RYR1: variants seen among roughly 807,000 people sequenced by gnomAD.
RYR1 encodes the protein ryanodine receptor 1.
Under a neutral mutation model 583.5 loss-of-function variants are expected in RYR1, and 342 were observed. That is an observed-to-expected ratio of 0.59 (90% confidence interval 0.54 to 0.64). The LOEUF is 0.64. Among genes scored for constraint, RYR1 ranks in the 30% least tolerant of loss-of-function variants. RYR1 has a pLI of 0.00. For missense variants in RYR1, 6,032 were observed against 6,917.2 expected, an observed-to-expected ratio of 0.87 and a Z score of 4.54; for synonymous variants, 2,791 against 2,822.5, an observed-to-expected ratio of 0.99 and a Z score of 0.35.
In RYR1 at chr19:38,587,525, C is replaced by T; in HGVS notation, c.*105C>T. ...CCTAAGGCAGCTGGGGGAGAGGTGA[C>T]CTAGTACTGGAAAATAAATCTGTGC... is the stretch of plus-strand genomic sequence containing the variant. On this transcript the variant is annotated 3_prime_UTR_variant, in exon 106 of 106. Coordinates refer to ENST00000359596, the MANE Select transcript of RYR1 (RefSeq NM_000540.3). 1.2e-6 allele frequency: 1 copy of T among 851,604 alleles called. No homozygotes were observed. The highest frequency in any genetic ancestry group is 2.0e-6 in the Non-Finnish European group (1 of 501,646). 52.8% of individuals were successfully genotyped at this position (851,604 alleles called of 1,614,324 possible). A position where few individuals can be genotyped will look rare whatever the true frequency, so the allele number is the denominator to read the frequency against.
chr19:38,572,628 C>T (rs1973772824), intron 95 of RYR1, among the ~76,000 whole-genome samples: 1 of 152,058 alleles, frequency 6.6e-6, no homozygotes, highest in African/African-American at 2.4e-5. Flanking sequence ...CTCCTTGCAC[C>T]TGCCTGTTTT....
chr19:38,508,369 A>T (rs1970575787), intron 58 of RYR1, among the ~76,000 whole-genome samples: 1 of 151,790 alleles, frequency 6.6e-6, no homozygotes, highest in Non-Finnish European at 1.5e-5. Flanking sequence ...GCGCCGCCAC[A>T]CCCAGCTAAT....
intron 83 of RYR1, among the ~76,000 whole-genome samples, chr19:38,537,569 G>T (rs1972028542): frequency 6.6e-6 from 1 of 152,192 alleles, no homozygotes; most frequent in East Asian, 1.9e-4. Flanking sequence ...TGCTAGGTCA[G>T]CAGACTCTCC....
In RYR1 at chr19:38,490,245, C is replaced by G; in HGVS notation, c.5984C>G (p.Thr1995Ser). 1 of 1,614,122 alleles carries G rather than the reference C, an allele frequency of 6.2e-7. No homozygotes were observed. The change falls in exon 36 of 106, where the codon ACC (threonine) becomes AGC (serine). Residue 1995 changes from threonine (T) to serine (S), a missense_variant. Transcript: ENST00000359596. The part of the protein sequence containing the change: ...SMTAAETARR[T>S]REFRSPPQEQ... Reference sequence around the variant, plus strand: ...ACCGCAGCAGAGACTGCAAGACGTACCCGCGAGTTCCGCTCCCCACCCCAG... The same window carrying G: ...ACCGCAGCAGAGACTGCAAGACGTAGCCGCGAGTTCCGCTCCCCACCCCAG...
At chr19:38,502,810 G>GGGGCAGGGGCAGGAGC in intron 48 of RYR1, 70 bp from the exon 49 acceptor site, 1 of 667,290 alleles carries the variant, frequency 1.5e-6, no homozygotes, top group Non-Finnish European at 2.0e-6. Flanking sequence ...GGGGCAGGGG[G>GGGGCAGGGGCAGGAGC]AGGAGCAGGG....
intron 29 of RYR1, among the ~76,000 whole-genome samples, chr19:38,477,207 A>G (rs1274936267): frequency 1.3e-5 from 2 of 152,118 alleles, no homozygotes; most frequent in African/African-American, 4.8e-5. Context: ...CAGTGGCACG[A>G]TCTCGGCTCA....
chr19:38,520,233 C>T (rs1283184120), intron 67 of RYR1, among the ~76,000 whole-genome samples: 1 of 151,460 alleles, frequency 6.6e-6, no homozygotes, highest in Non-Finnish European at 1.5e-5. Context: ...CCAACATGCT[C>T]GGCTAATTCT....
rs200563280 is a variant in RYR1 at position 38,496,466 on chromosome 19, C to G, written c.6721C>G (p.Arg2241Gly). ...SCCRFLCYFC[R>G]ISRQNQRSMF... ...CTGCCGCTTCCTCTGCTATTTCTGC[C>G]GAATCAGCCGGCAGAACCAGCGCTC... Residue 2241 changes from arginine to glycine, a missense_variant, in exon 41 of 106, where the codon CGA becomes GGA. Coordinates refer to ENST00000359596, the MANE Select transcript of RYR1 (RefSeq NM_000540.3). The surrounding 1 kb of genome is among the most constrained non-coding windows in gnomAD (Gnocchi z 4.8). 1.9e-6 allele frequency: 3 copies of G among 1,613,602 alleles called. No individual in the cohort carries two copies. The highest frequency in any genetic ancestry group is 2.5e-6 in the Non-Finnish European group (3 of 1,180,020).
Position 38,516,115 on chromosome 19 carries a change from G to A in RYR1, c.9583G>A (p.Ala3195Thr). 6.5e-7 allele frequency: 1 copy of A among 1,549,754 alleles called. No homozygotes were observed. The highest frequency in any genetic ancestry group is 2.4e-5 in the East Asian group (1 of 40,946). ...TCGGCCAGCCCTCGGGGAGTGCCTG[G>A]CCCGTCTGGCAGCAGCCATGCCGGT... ...KLRPALGECL[A>T]RLAAAMPVAF... is the part of the protein sequence containing the mutation. Residue 3195 changes from alanine to threonine, a missense_variant, in exon 65 of 106, where the codon GCC becomes ACC. Physicochemically the swap from Ala to Thr is moderately conservative, Grantham distance 58. This residue lies in a region of RYR1 where 1,493 missense variants were observed against 1,715.5 expected (regional missense o/e 0.87). Transcript: ENST00000359596.
chr19:38,567,110 C>G, intron 92 of RYR1, 123 bp downstream of exon 92: 1 of 1,478,116 alleles, frequency 6.8e-7, no homozygotes, highest in Non-Finnish European at 9.1e-7. Context: ...TCACCCAGCC[C>G]AGACTCAGGC....
chr19:38,517,381 G>A lies in RYR1; in HGVS notation c.9708G>A (p.Val3236=), dbSNP rs1971018494. ...CAGTCCTGGGGCTCCCCAACAGTGTGGAGGAGATGTGTCCCGACATCCCGG... is the reference window on the plus strand; with the variant it reads ...CAGTCCTGGGGCTCCCCAACAGTGTAGAGGAGATGTGTCCCGACATCCCGG... The part of the protein sequence containing the change: ...ERAILGLPNS[V]EEMCPDIPVL... The change falls in exon 66 of 106, where the codon GTG becomes GTA. Residue 3236 remains valine, a synonymous_variant. Transcript: ENST00000359596. 1 of 1,613,902 alleles carries A rather than the reference G, an allele frequency of 6.2e-7. No homozygotes were observed. The highest frequency in any genetic ancestry group is 8.5e-7 in the Non-Finnish European group (1 of 1,179,990).
intron 89 of RYR1, among the ~76,000 whole-genome samples, chr19:38,552,344 T>C (rs938758704): frequency 2.6e-5 from 4 of 151,808 alleles, no homozygotes; most frequent in African/African-American, 9.7e-5. Context: ...AAACTCCGCT[T>C]CCTGGGTTCA....
At position 38,570,618 on chromosome 19, in the gene RYR1, C is replaced by G. The variant is rs35959206; in HGVS notation, c.13671C>G (p.Ser4557=). The change falls in exon 94 of 106, where the codon TCC becomes TCG. Residue 4557 remains serine (S), a synonymous_variant. Coordinates refer to ENST00000359596, the MANE Select transcript of RYR1 (RefSeq NM_000540.3). Reference sequence around the variant, plus strand: ...CTCTTCTCTCTCAGAACTACCTGTCCCGGAACTTTTACACCCTGCGGTTCC... The same window carrying G: ...CTCTTCTCTCTCAGAACTACCTGTCGCGGAACTTTTACACCCTGCGGTTCC... ...VQRVKFLNYL[S]RNFYTLRFLA... is the part of the protein sequence containing the mutation. The G allele has an allele frequency of 0.043, 69,607 of 1,613,262 alleles. 1,816 individuals carry two copies. The highest frequency in any genetic ancestry group is 0.076 in the Middle Eastern group (460 of 6,044).
intron 1 of RYR1, 91 bp downstream of exon 1, chr19:38,433,965 G>A (rs1972314497): frequency 8.5e-7 from 1 of 1,171,902 alleles, no homozygotes; most frequent in Non-Finnish European, 1.3e-6. Context: ...CCGGCTTGCT[G>A]GTGGTCTCTG....
At chr19:38,570,554 C>T (rs1328876198) in intron 93 of RYR1, 53 bp from the exon 94 acceptor site, 21 of 1,396,984 alleles carry the variant, frequency 1.5e-5, no homozygotes, top group Non-Finnish European at 2.1e-5. Context: ...ATGAATTCTC[C>T]AGGGAAGAGG....
chr19:38,536,121 T>C, intron 82 of RYR1, 51 bp downstream of exon 82: 1 of 1,489,208 alleles, frequency 6.7e-7, no homozygotes, highest in Non-Finnish European at 9.1e-7. Context: ...TCCTTTGGGA[T>C]TCCTCCCACC....
intron 89 of RYR1, among the ~76,000 whole-genome samples, chr19:38,554,585 TGGAA>T (rs1465321130): frequency 6.6e-6 from 1 of 151,950 alleles, no homozygotes; most frequent in Non-Finnish European, 1.5e-5. Context: ...TACTATAGCT[TGGAA>T]GGCCCTTTCT....
Position 38,565,057 on chromosome 19 carries a change from C to T in RYR1, c.12723C>T (p.Ile4241=). The stretch of plus-strand genomic sequence containing the variant: ...TCGTGAGTTTCTGCGAGGACACCAT[C>T]TTCGAGATGCAGATCGCCGCGCAGA... The part of the protein sequence containing the change: ...ELFVSFCEDT[I]FEMQIAAQIS... Residue 4241 remains isoleucine, a synonymous_variant, in exon 91 of 106, where the codon ATC becomes ATT. Coordinates refer to ENST00000359596, the MANE Select transcript of RYR1 (RefSeq NM_000540.3). This position sits in a 1 kb window ranked among gnomAD's most constrained non-coding sequence, Gnocchi z 4.7. 6.4e-7 allele frequency: 1 copy of T among 1,569,844 alleles called. No homozygotes were observed. Among genetic ancestry groups the T allele is most frequent in the African/African-American group, 1.3e-5 (1 of 74,174 alleles).
rs777712702 is a variant in RYR1 at position 38,478,503 on chromosome 19, T to G, written c.4523T>G (p.Ile1508Ser). The change falls in exon 31 of 106, where the codon ATC becomes AGC. Residue 1508 changes from isoleucine (I) to serine (S), a missense_variant. By Grantham distance (142) the Ile-to-Ser change is moderately radical. Coordinates refer to ENST00000359596, the MANE Select transcript of RYR1 (RefSeq NM_000540.3). Reference sequence around the variant, plus strand: ...GTGAGTCCCGGGCAGCAGGGCCGGATCAGCCACACGGACCTTGTCATTGGG... The same window carrying G: ...GTGAGTCCCGGGCAGCAGGGCCGGAGCAGCCACACGGACCTTGTCATTGGG... ...DFVSPGQQGR[I>S]SHTDLVIGCL... 1 of 1,614,120 alleles carries G rather than the reference T, an allele frequency of 6.2e-7. No individual in the cohort carries two copies. Among genetic ancestry groups the G allele is most frequent in the South Asian group, 1.1e-5 (1 of 91,074 alleles).
Sources: allele counts gnomAD v4.1 joint callset (sites outside exome capture counted in the v4.1 genomes callset), GRCh38; gene constraint gnomAD v4.1.1; regional missense constraint gnomAD v4.1.1; non-coding constraint Gnocchi (gnomAD v3.1); transcripts MANE v1.5; gene names NCBI Gene and HGNC (gene_info 2026-07-23, HGNC 2026-07-21).